The following AGBL3 variants were observed in gnomAD, a reference collection of about 807,000 sequenced individuals.
AGBL3 encodes cytosolic carboxypeptidase 3.
In AGBL3, 68 loss-of-function variants were observed where a neutral mutation model predicts 94.5. The observed-to-expected ratio is 0.72, with a 90% confidence interval of 0.59 to 0.88. AGBL3 has a LOEUF of 0.88. AGBL3 is among the 40% of genes least tolerant of loss of function. AGBL3 has a pLI of 0.00. For synonymous variants in AGBL3, 354 were observed against 370.7 expected (o/e 0.95, Z 0.52); for missense variants, 934 against 1,103.8 (o/e 0.85, Z 2.18).
chr7:135,073,512 A>AAATAAATAAACG (rs1554510800), intron 12 of AGBL3, among the ~76,000 whole-genome samples: 2,161 of 144,212 alleles, frequency 0.015, 43 homozygotes, highest in South Asian at 0.039. Flanking sequence ...ATAAATAAAT[A>AAATAAATAAACG]AACCTTGCAG....
At chr7:135,082,021 CTA>C (rs1466103381) in intron 15 of AGBL3, among the ~76,000 whole-genome samples, 11 of 152,186 alleles carry the variant, frequency 7.2e-5, no homozygotes, top group Admixed American at 7.2e-4. Context: ...TGAGAATGCT[CTA>C]GTTTCACCTT....
At chr7:135,013,449 T>A (rs1006208968) in intron 4 of AGBL3, among the ~76,000 whole-genome samples, 1 of 152,224 alleles carries the variant, frequency 6.6e-6, no homozygotes, top group Admixed American at 6.5e-5. Flanking sequence ...ATGGTCAAAT[T>A]GTGGCAATCC....
At chr7:135,117,426 A>G (rs930374663) in intron 16 of AGBL3, among the ~76,000 whole-genome samples, 8 of 152,216 alleles carry the variant, frequency 5.3e-5, no homozygotes, top group African/African-American at 1.9e-4. Flanking sequence ...TAATTCTGCA[A>G]ACTCTTACAG....
At position 135,084,038 on chromosome 7, in the gene AGBL3, T is replaced by G. The variant is rs1212092964; in HGVS notation, c.2110+2248T>G. 2.6e-5 allele frequency among the ~76,000 whole-genome samples: 4 copies of G among 152,222 alleles called. 1 individual carries two copies. Among genetic ancestry groups the G allele is most frequent in the African/African-American group, 9.6e-5 (4 of 41,468 alleles). ...CCCAGCCCATCCAACCTTTTTCATC[T>G]TGAATAGCTTTCTTATGTAATTTTC... On this transcript the variant is annotated intron_variant, in intron 15 of 16. Coordinates refer to ENST00000436302, the MANE Select transcript of AGBL3 (RefSeq NM_178563.4).
rs181824811 is a variant in AGBL3 at position 135,072,098 on chromosome 7, C to T, written c.1909-4299C>T. Among the ~76,000 whole-genome samples, 390 of 152,112 alleles carry T rather than the reference C, an allele frequency of 2.6e-3. 3 individuals carry two copies. The highest frequency in any genetic ancestry group is 8.5e-3 in the African/African-American group (353 of 41,490). On this transcript the variant is annotated intron_variant, in intron 12 of 16. Transcript: ENST00000436302. ...ACAAACAACCCCATCAAAAAGTGGG[C>T]GAAGGATATGAACAGACACTTCTCA...
intron 15 of AGBL3, chr7:135,093,794 C>T (rs982066528): frequency 6.6e-6 from 1 of 152,050 alleles, no homozygotes; most frequent in Non-Finnish European, 1.5e-5. Context: ...CCCAGAATAA[C>T]CAAAGCAATT....
chr7:135,089,355 T>A (rs1053202106), intron 15 of AGBL3, among the ~76,000 whole-genome samples: 3 of 152,228 alleles, frequency 2.0e-5, no homozygotes, highest in African/African-American at 7.2e-5. Context: ...ATTTGTTGAT[T>A]TCCTTTTCAT....
In AGBL3 at chr7:135,115,552, G is replaced by A. The variant is rs978151145; in HGVS notation, c.2283G>A (p.Met761Ile). 7 of 1,551,238 alleles carry A rather than the reference G, an allele frequency of 4.5e-6. No individual in the cohort carries two copies. The highest frequency in any genetic ancestry group is 6.1e-6 in the Non-Finnish European group (7 of 1,146,830). The change falls in exon 16 of 17, where the codon ATG (methionine) becomes ATA (isoleucine). Residue 761 changes from methionine to isoleucine, a missense_variant. By Grantham distance (10) the Met-to-Ile change is conservative (BLOSUM62 1). Coordinates refer to ENST00000436302, the MANE Select transcript of AGBL3 (RefSeq NM_178563.4). ...CCATCGTGCATAGCACTAAAAACAT[G>A]CAAACCACTCAGATAAAACAGCTAT... is the stretch of plus-strand genomic sequence containing the variant. Reference protein sequence around the residue: ...LLPIVHSTKNMQTTQIKQLFN... With the variant: ...LLPIVHSTKNIQTTQIKQLFN...
At chr7:135,023,617 G>A (rs1389688440) in intron 5 of AGBL3, among the ~76,000 whole-genome samples, 1 of 152,134 alleles carries the variant, frequency 6.6e-6, no homozygotes, top group Non-Finnish European at 1.5e-5. Context: ...ACAGCCATAG[G>A]TGCCCATCTT....
intron 8 of AGBL3, 139 bp from the exon 9 acceptor site, chr7:135,043,886 C>T (rs1437998663): frequency 1.9e-6 from 2 of 1,053,156 alleles, no homozygotes; most frequent in Non-Finnish European, 2.6e-6. Flanking sequence ...TTCCACAGGT[C>T]AGGAAATAAA....
intron 5 of AGBL3, among the ~76,000 whole-genome samples, chr7:135,027,993 T>C (rs1815330776): frequency 6.6e-6 from 1 of 151,726 alleles, no homozygotes; most frequent in Non-Finnish European, 1.5e-5. Flanking sequence ...GGTGTCCAAG[T>C]GGATATGAAA....
chr7:135,112,165 T>G (rs1327481004), intron 15 of AGBL3, among the ~76,000 whole-genome samples: 1 of 152,236 alleles, frequency 6.6e-6, no homozygotes, highest in Non-Finnish European at 1.5e-5. Context: ...TACCGCTAAT[T>G]CAGACCCTCA....
chr7:135,030,516 T>C (rs1435651404), intron 5 of AGBL3, among the ~76,000 whole-genome samples: 1 of 152,234 alleles, frequency 6.6e-6, no homozygotes, highest in Non-Finnish European at 1.5e-5. Flanking sequence ...TCTTTGGCTG[T>C]CTTCAGCAAT....
chr7:135,103,172 C>A (rs1044603565), intron 15 of AGBL3, among the ~76,000 whole-genome samples: 12 of 152,054 alleles, frequency 7.9e-5, no homozygotes, highest in Non-Finnish European at 1.6e-4. Flanking sequence ...TTCTTTGGAA[C>A]GTGCTTCACC....
intron 15 of AGBL3, among the ~76,000 whole-genome samples, chr7:135,084,078 T>C (rs959236500): frequency 2.0e-5 from 3 of 152,124 alleles, no homozygotes; most frequent in African/African-American, 7.2e-5. Context: ...AATAATGGTC[T>C]ATTACTCAAA....
intron 12 of AGBL3, among the ~76,000 whole-genome samples, chr7:135,063,421 T>C (rs961360982): frequency 1.3e-5 from 2 of 152,160 alleles, no homozygotes; most frequent in Non-Finnish European, 2.9e-5. Context: ...TTCCTTGAAG[T>C]GTAACACTAG....
intron 13 of AGBL3, among the ~76,000 whole-genome samples, chr7:135,079,985 T>C (rs1350071762): frequency 6.6e-6 from 1 of 151,806 alleles, no homozygotes; most frequent in East Asian, 1.9e-4. Context: ...AAATATAGTA[T>C]CAATATTTTC....
intron 12 of AGBL3, among the ~76,000 whole-genome samples, chr7:135,069,572 C>G (rs1819683465): frequency 6.6e-6 from 1 of 152,184 alleles, no homozygotes; most frequent in Non-Finnish European, 1.5e-5. Flanking sequence ...TTAAGAAACT[C>G]ATTCAGAACT....
Position 135,045,574 on chromosome 7 carries a change from G to A in AGBL3, c.1728G>A (p.Lys576=), listed in dbSNP as rs1817277769. 6.5e-7 allele frequency: 1 copy of A among 1,549,776 alleles called. No individual in the cohort carries two copies. The highest frequency in any genetic ancestry group is 1.2e-5 in the South Asian group (1 of 84,008). The change falls in exon 10 of 17, where the codon AAG becomes AAA. Residue 576 remains lysine, a splice_region_variant and synonymous_variant. Coordinates refer to ENST00000436302, the MANE Select transcript of AGBL3 (RefSeq NM_178563.4). ...LLDYCDPDRT[K]YYRCLKELEE... ...ATTATTGTGATCCCGACCGGACCAA[G>A]GTAAGCAAAGTCCATTTGGTAATGC...
Sources: gnomAD v4.1 joint callset for allele counts (sites outside exome capture counted in the v4.1 genomes callset) on GRCh38, gnomAD v4.1.1 for gene constraint, MANE v1.5 for transcripts, NCBI Gene and HGNC (gene_info 2026-07-23, HGNC 2026-07-21) for gene names.